NFIA: variants seen among roughly 807,000 people sequenced by gnomAD.
NFIA encodes the protein nuclear factor 1 A-type.
In NFIA, 8 loss-of-function variants were observed where a neutral mutation model predicts 62.8. That is an observed-to-expected ratio of 0.13 (90% CI 0.07 to 0.23). The LOEUF is 0.23. Ranked by LOEUF, NFIA falls within the 10% of genes least tolerant of loss-of-function variation. The probability of loss-of-function intolerance (pLI) is 1.00; values close to 1 mark genes in which losing one functional copy is unlikely to be tolerated. For missense variants in NFIA, 410 were observed against 642.1 expected, an observed-to-expected ratio of 0.64 and a Z score of 3.91; for synonymous variants, 235 against 238.1, an observed-to-expected ratio of 0.99 and a Z score of 0.12.
intron 7 of NFIA, among the ~76,000 whole-genome samples, chr1:61,385,049 T>C (rs987143262): frequency 2.6e-5 from 4 of 151,990 alleles, no homozygotes; most frequent in African/African-American, 9.7e-5. Flanking sequence ...CTGGCCAACA[T>C]GGTGAAACCC....
intron 3 of NFIA, among the ~76,000 whole-genome samples, chr1:61,325,737 T>C (rs960245509): frequency 3.7e-4 from 56 of 152,136 alleles, no homozygotes; most frequent in African/African-American, 1.3e-3. Context: ...GCTAACACAG[T>C]GAAACCCCAT....
intron 2 of NFIA, among the ~76,000 whole-genome samples, chr1:61,178,187 A>C (rs147747366): frequency 6.6e-6 from 1 of 152,194 alleles, no homozygotes; most frequent in African/African-American, 2.4e-5. Context: ...AGTATTACCC[A>C]TAACTTTTAG....
At chr1:61,100,542 C>T (rs1242157032) in intron 2 of NFIA, among the ~76,000 whole-genome samples, 1 of 152,126 alleles carries the variant, frequency 6.6e-6, no homozygotes, top group African/African-American at 2.4e-5. Flanking sequence ...AATTAGAGTC[C>T]TTTCAACTAA....
chr1:61,132,951 C>T (rs559481787), intron 2 of NFIA: 1 of 152,102 alleles, frequency 6.6e-6, no homozygotes, highest in Non-Finnish European at 1.5e-5. Flanking sequence ...CACTGCCCCC[C>T]CCACCCAGGC....
rs968037205 is a variant in NFIA, at chr1:61,386,269, CAT to C, written c.1075+2905_1075+2906del. Among the ~76,000 whole-genome samples the C allele has an allele frequency of 7.9e-5, 12 of 152,174 alleles. 1 individual carries two copies. The highest frequency in any genetic ancestry group is 7.2e-4 in the Admixed American group (11 of 15,270). On this transcript the variant is annotated intron_variant, in intron 7 of 10. Coordinates refer to ENST00000403491, the MANE Select transcript of NFIA (RefSeq NM_001134673.4). Reference sequence around the variant, plus strand: ...AAGAGTCAGTGTGGAATCGATGTCACATGTGCGCATAAAGGAGATTTCAACCT... The same window carrying C: ...AAGAGTCAGTGTGGAATCGATGTCACGTGCGCATAAAGGAGATTTCAACCT...
At chr1:61,298,408 T>G (rs1335802163) in intron 3 of NFIA, among the ~76,000 whole-genome samples, 1 of 152,054 alleles carries the variant, frequency 6.6e-6, no homozygotes, top group Non-Finnish European at 1.5e-5. Flanking sequence ...TCTATAGCAG[T>G]GTGAAAATGG....
At chr1:61,341,060 C>A (rs947681088) in intron 4 of NFIA, among the ~76,000 whole-genome samples, 7 of 108,792 alleles carry the variant, frequency 6.4e-5, no homozygotes, top group Admixed American at 5.4e-4. Context: ...TACCGGCATT[C>A]TTTTTTTTTT....
rs562988792 is a variant in NFIA at position 61,250,688 on chromosome 1, G to A, written c.560-26832G>A. On this transcript the variant is annotated intron_variant, in intron 2 of 10. Transcript: ENST00000403491. The stretch of plus-strand genomic sequence containing the variant: ...AAAAAGGCTCTATCTCTTTTCTGAA[G>A]CCTACTTGAAAATTTTGCTTTCATA... Among the ~76,000 whole-genome samples the A allele has an allele frequency of 3.9e-5, 6 of 152,230 alleles. No homozygotes were observed. In the East Asian group the frequency reaches 1.2e-3, roughly 29 times the overall value.
At chr1:61,241,014 T>C (rs1394773068) in intron 2 of NFIA, among the ~76,000 whole-genome samples, 2 of 151,764 alleles carry the variant, frequency 1.3e-5, no homozygotes, top group African/African-American at 4.8e-5. Flanking sequence ...ATGTTTTTGG[T>C]TTATAATTTC....
At chr1:61,394,429 T>A (rs1405349329) in intron 7 of NFIA, among the ~76,000 whole-genome samples, 3 of 152,190 alleles carry the variant, frequency 2.0e-5, no homozygotes, top group Non-Finnish European at 2.9e-5. Context: ...TGCCTTAGCC[T>A]CCCAAAGTGC....
intron 2 of NFIA, among the ~76,000 whole-genome samples, chr1:61,197,272 T>TG (rs1491589192): frequency 7.1e-6 from 1 of 141,338 alleles, no homozygotes; most frequent in Non-Finnish European, 1.5e-5. Context: ...GGAGTCTCTC[T>TG]GTGTCACGCA....
intron 2 of NFIA, among the ~76,000 whole-genome samples, chr1:61,092,636 A>G (rs1462873208): frequency 6.6e-6 from 1 of 152,170 alleles, no homozygotes; most frequent in African/African-American, 2.4e-5. Context: ...ATTTCAAATT[A>G]TTTAGATTCT....
At position 61,442,124 on chromosome 1, in the gene NFIA, C is replaced by T. The variant is rs574437920; in HGVS notation, c.1513-13179C>T. ...GCTTGCTTTGAGTCAGAAGCAGGCA[C>T]GGAATGAAGCCCTGACGAGGGATGC... On this transcript the variant is annotated intron_variant, in intron 10 of 10. Transcript: ENST00000403491. Among the ~76,000 whole-genome samples, 6 of 152,066 alleles carry T rather than the reference C, an allele frequency of 3.9e-5. No homozygotes were observed. The South Asian group carries it at 1.0e-3, about 26-fold the overall frequency.
chr1:61,425,094 A>T (rs1333137891), intron 9 of NFIA, among the ~76,000 whole-genome samples: 1 of 152,176 alleles, frequency 6.6e-6, no homozygotes, highest in Non-Finnish European at 1.5e-5. Context: ...GACATCAGGG[A>T]CCCTCATGCT....
intron 6 of NFIA, among the ~76,000 whole-genome samples, chr1:61,381,272 T>G (rs1253749075): frequency 6.6e-6 from 1 of 151,890 alleles, no homozygotes; most frequent in East Asian, 1.9e-4. Flanking sequence ...TTGGGAGATT[T>G]GTTTACATTT....
intron 3 of NFIA, among the ~76,000 whole-genome samples, chr1:61,301,472 T>A (rs368478139): frequency 1.3e-5 from 2 of 152,308 alleles, no homozygotes; most frequent in East Asian, 1.9e-4. Context: ...ACAGTTCCCA[T>A]TGGTGTTTTT....
chr1:61,155,545 T>C (rs535837007), intron 2 of NFIA, among the ~76,000 whole-genome samples: 15 of 151,658 alleles, frequency 9.9e-5, no homozygotes, highest in Non-Finnish European at 7.4e-5. Flanking sequence ...CGGTGGTGGG[T>C]GCCTGTAGTC....
At chr1:61,449,251 C>T (rs1469924049) in intron 10 of NFIA, among the ~76,000 whole-genome samples, 1 of 152,174 alleles carries the variant, frequency 6.6e-6, no homozygotes, top group Non-Finnish European at 1.5e-5. Context: ...TCATGTGGCA[C>T]GAGCATGCTA....
At chr1:61,117,218 A>G (rs1646807247) in intron 2 of NFIA, among the ~76,000 whole-genome samples, 1 of 152,194 alleles carries the variant, frequency 6.6e-6, no homozygotes, top group Non-Finnish European at 1.5e-5. Flanking sequence ...AATAAATGAA[A>G]GCTTTTTCTC....
Sources: gnomAD v4.1 joint callset for allele counts (sites outside exome capture counted in the v4.1 genomes callset) on GRCh38, gnomAD v4.1.1 for gene constraint, MANE v1.5 for transcripts, NCBI Gene and HGNC (gene_info 2026-07-23, HGNC 2026-07-21) for gene names.